The following CNTNAP2 variants were observed in gnomAD, a reference collection of about 807,000 sequenced individuals.
CNTNAP2 encodes the protein contactin associated protein 2.
In CNTNAP2, 98 loss-of-function variants were observed where a neutral mutation model predicts 155.2. The ratio of observed to expected loss-of-function variants is 0.63; its 90% CI spans 0.54 to 0.75. CNTNAP2 has a LOEUF of 0.75. CNTNAP2 is among the 30% of genes least tolerant of loss of function. CNTNAP2 has a pLI of 0.00. For synonymous variants in CNTNAP2, 651 were observed against 631.2 expected, an observed-to-expected ratio of 1.03 and a Z score of -0.47; for missense variants, 1,727 against 1,688.1, an observed-to-expected ratio of 1.02 and a Z score of -0.40.
At chr7:147,351,833 T>A (rs1313065842) in intron 9 of CNTNAP2, among the ~76,000 whole-genome samples, 1 of 151,914 alleles carries the variant, frequency 6.6e-6, no homozygotes, top group East Asian at 1.9e-4. Context: ...TATATGAATC[T>A]GATTCCCCAA....
chr7:147,280,207 A>G (rs1805000879), intron 8 of CNTNAP2, among the ~76,000 whole-genome samples: 2 of 152,068 alleles, frequency 1.3e-5, no homozygotes, highest in South Asian at 4.1e-4. Context: ...TCTAGTGACC[A>G]ATTTCTGTTT....
intron 1 of CNTNAP2, among the ~76,000 whole-genome samples, chr7:146,643,755 A>G (rs1021215290): frequency 5.9e-5 from 9 of 152,020 alleles, no homozygotes; most frequent in Non-Finnish European, 7.4e-5. Flanking sequence ...CTTGGGCAGT[A>G]TGGCCATTTT....
chr7:147,168,552 GA>G (rs1452653605), intron 8 of CNTNAP2, among the ~76,000 whole-genome samples: 1 of 151,934 alleles, frequency 6.6e-6, no homozygotes, highest in Non-Finnish European at 1.5e-5. Context: ...TAAAACATCT[GA>G]GCATTTTCAG....
chr7:146,711,100 G>A (rs1289580789), intron 1 of CNTNAP2, among the ~76,000 whole-genome samples: 3 of 151,100 alleles, frequency 2.0e-5, no homozygotes, highest in Admixed American at 2.0e-4. Context: ...TTTTTCTCCT[G>A]TATATGCACA....
chr7:146,928,607 C>T (rs548060219), intron 3 of CNTNAP2, among the ~76,000 whole-genome samples: 9 of 152,192 alleles, frequency 5.9e-5, no homozygotes, highest in East Asian at 5.8e-4. Flanking sequence ...TGCAGCGCAC[C>T]GTGCACGAGC....
intron 13 of CNTNAP2, among the ~76,000 whole-genome samples, chr7:147,738,961 A>G (rs113553081): frequency 4.1e-4 from 62 of 152,024 alleles, no homozygotes; most frequent in Non-Finnish European, 1.3e-4. Context: ...GGGCAAAACA[A>G]AACTTTTATA....
chr7:146,449,781 A>G (rs964966541), intron 1 of CNTNAP2, among the ~76,000 whole-genome samples: 2 of 152,196 alleles, frequency 1.3e-5, no homozygotes, highest in Non-Finnish European at 2.9e-5. Flanking sequence ...TATGATGACA[A>G]GCTTTAGTTG....
intron 20 of CNTNAP2, among the ~76,000 whole-genome samples, chr7:148,249,924 GC>G (rs371800173): frequency 5.9e-5 from 9 of 152,318 alleles, no homozygotes; most frequent in African/African-American, 2.2e-4. Context: ...CCTTGCCCTT[GC>G]AGGAGCGTCT....
rs113430538 is a variant in CNTNAP2 at position 146,217,060 on chromosome 7, A to G, written c.97+100087A>G. Among the ~76,000 whole-genome samples the G allele has an allele frequency of 2.4e-3, 370 of 152,270 alleles. 4 individuals are homozygous for G. Among genetic ancestry groups the G allele is most frequent in the African/African-American group, 8.5e-3 (354 of 41,568 alleles). ...TTTAATTTGATTTTTAGGAACTTTC[A>G]TTTTTAACTTTCCTTCCATGACCCC... On this transcript the variant is annotated intron_variant, in intron 1 of 23. Transcript: ENST00000361727.
At chr7:147,457,671 A>G (rs1797943757) in intron 10 of CNTNAP2, among the ~76,000 whole-genome samples, 1 of 152,216 alleles carries the variant, frequency 6.6e-6, no homozygotes, top group African/African-American at 2.4e-5. Flanking sequence ...TAAATGAATG[A>G]ACAAATTAAT....
At chr7:146,538,622 G>C (rs1289688180) in intron 1 of CNTNAP2, among the ~76,000 whole-genome samples, 1 of 151,952 alleles carries the variant, frequency 6.6e-6, no homozygotes, top group African/African-American at 2.4e-5. Context: ...GGTCTCTCAG[G>C]TCTCTTTATC....
intron 8 of CNTNAP2, among the ~76,000 whole-genome samples, chr7:147,194,098 C>T (rs1000724558): frequency 1.3e-5 from 2 of 151,102 alleles, no homozygotes; most frequent in African/African-American, 4.9e-5. Context: ...CACCCCCCAA[C>T]AGGCCCTGGT....
intron 9 of CNTNAP2, among the ~76,000 whole-genome samples, chr7:147,358,730 T>A (rs1796101298): frequency 6.6e-6 from 1 of 152,144 alleles, no homozygotes; most frequent in South Asian, 2.1e-4. Context: ...CTTCTAATAG[T>A]CTTCAAAAGC....
chr7:148,182,690 C>G (rs1464027074), intron 18 of CNTNAP2, among the ~76,000 whole-genome samples: 2 of 152,166 alleles, frequency 1.3e-5, no homozygotes, highest in African/African-American at 4.8e-5. Context: ...GATAAATAGG[C>G]ATTTTATATT....
intron 1 of CNTNAP2, among the ~76,000 whole-genome samples, chr7:146,667,402 A>G (rs1800214460): frequency 6.6e-6 from 1 of 152,022 alleles, no homozygotes; most frequent in African/African-American, 2.4e-5. Flanking sequence ...ATATTTTTAA[A>G]TCTGGTAATA....
At chr7:146,960,558 T>C (rs1797536049) in intron 3 of CNTNAP2, among the ~76,000 whole-genome samples, 1 of 152,198 alleles carries the variant, frequency 6.6e-6, no homozygotes, top group Non-Finnish European at 1.5e-5. Flanking sequence ...GTGAATATAT[T>C]TTACACTGCA....
In CNTNAP2 at chr7:147,830,041, A is replaced by G. The variant is rs1798522673; in HGVS notation, c.2099-73524A>G. 4.0e-5 allele frequency among the ~76,000 whole-genome samples: 6 copies of G among 151,774 alleles called. 1 individual carries two copies. The highest frequency in any genetic ancestry group is 3.9e-4 in the Admixed American group (6 of 15,210). ...ACCTTAGGCCAAAAGAGTCTCATGC[A>G]CCCGTTCTAGTCCAAACATGCTATG... On this transcript the variant is annotated intron_variant, in intron 13 of 23. Coordinates refer to ENST00000361727, the MANE Select transcript of CNTNAP2 (RefSeq NM_014141.6).
intron 13 of CNTNAP2, among the ~76,000 whole-genome samples, chr7:147,753,133 G>T (rs1204378510): frequency 6.6e-6 from 1 of 152,156 alleles, no homozygotes; most frequent in Non-Finnish European, 1.5e-5. Context: ...TCTGTGATTT[G>T]AACCTAGTCT....
intron 13 of CNTNAP2, among the ~76,000 whole-genome samples, chr7:147,648,241 G>C (rs74947348): frequency 0.015 from 2,287 of 152,262 alleles, 190 homozygotes; most frequent in Admixed American, 0.14. Context: ...TAGGTCCCAG[G>C]AGAGAAAGAA....
Sources: gnomAD v4.1 joint callset for allele counts (sites outside exome capture counted in the v4.1 genomes callset) on GRCh38, gnomAD v4.1.1 for gene constraint, MANE v1.5 for transcripts, NCBI Gene and HGNC (gene_info 2026-07-23, HGNC 2026-07-21) for gene names.